Variants in CDK17 observed in about 807,000 individuals in gnomAD.
CDK17 encodes cyclin dependent kinase 17.
CDK17 carries 24 observed loss-of-function variants against 77.6 expected under a neutral mutation model. That is an observed-to-expected ratio of 0.31 (90% CI 0.22 to 0.44). The LOEUF is 0.44. Ranked by LOEUF, CDK17 falls within the 20% of genes least tolerant of loss-of-function variation. The pLI, the probability that CDK17 is intolerant of heterozygous loss-of-function variation, is 1.00. For synonymous variants in CDK17, 203 were observed against 210.4 expected (o/e 0.96, Z 0.30); for missense variants, 429 against 622.5 (o/e 0.69, Z 3.31).
At chr12:96,312,111 T>C (rs1952652351) in intron 4 of CDK17, among the ~76,000 whole-genome samples, 1 of 151,974 alleles carries the variant, frequency 6.6e-6, no homozygotes, top group African/African-American at 2.4e-5. Flanking sequence ...ACCCTGTCTC[T>C]ACAAAAAATA....
At chr12:96,288,708 AG>A (rs1952278368) in intron 11 of CDK17, among the ~76,000 whole-genome samples, 1 of 152,234 alleles carries the variant, frequency 6.6e-6, no homozygotes. Flanking sequence ...GCGGTGTGTG[AG>A]AAAGATGACT....
chr12:96,280,399 T>A, intron 16 of CDK17, 120 bp from the exon 17 acceptor site: 1 of 1,482,636 alleles, frequency 6.7e-7, no homozygotes, highest in Non-Finnish European at 9.0e-7. Context: ...ATGGTAAGAG[T>A]GATCAGCACT....
intron 1 of CDK17, among the ~76,000 whole-genome samples, chr12:96,361,595 G>GT (rs1294208202): frequency 6.6e-6 from 1 of 152,146 alleles, no homozygotes; most frequent in Admixed American, 6.5e-5. Context: ...AAACTAGGCT[G>GT]TTTGAGTTTT....
intron 1 of CDK17, among the ~76,000 whole-genome samples, chr12:96,389,757 C>T (rs1458800749): frequency 6.6e-6 from 1 of 151,980 alleles, no homozygotes; most frequent in African/African-American, 2.4e-5. Flanking sequence ...GCCATAATCT[C>T]GAACTAATAT....
chr12:96,380,000 C>T (rs893958081), intron 1 of CDK17, among the ~76,000 whole-genome samples: 1 of 151,588 alleles, frequency 6.6e-6, no homozygotes, highest in African/African-American at 2.4e-5. Context: ...GAGACCCCAT[C>T]TCTACAAAAA....
chr12:96,325,340 A>T (rs559925714), intron 2 of CDK17, among the ~76,000 whole-genome samples: 1 of 152,242 alleles, frequency 6.6e-6, no homozygotes, highest in African/African-American at 2.4e-5. Flanking sequence ...GCAGTTAACA[A>T]TCAGGCATAA....
chr12:96,283,907 A>G (rs1019090672), intron 13 of CDK17, among the ~76,000 whole-genome samples: 6 of 152,196 alleles, frequency 3.9e-5, no homozygotes, highest in Admixed American at 1.3e-4. Flanking sequence ...AAAAATCACC[A>G]TGCTGTCTCA....
intron 1 of CDK17, among the ~76,000 whole-genome samples, chr12:96,366,928 C>A (rs1185257817): frequency 6.6e-6 from 1 of 152,096 alleles, no homozygotes; most frequent in African/African-American, 2.4e-5. Flanking sequence ...ATTTCCTTTT[C>A]TTTCCTCATT....
chr12:96,400,265 C>G lies in CDK17; in HGVS notation c.-309G>C, dbSNP rs1236039017. 1 of 392,894 alleles carries G rather than the reference C, an allele frequency of 2.5e-6. No homozygotes were observed. The highest frequency in any genetic ancestry group is 4.5e-6 in the Non-Finnish European group (1 of 222,296). 24.3% of individuals were successfully genotyped at this position (392,894 alleles called of 1,614,324 possible). On this transcript the variant is annotated 5_prime_UTR_variant, in exon 1 of 17. Transcript: ENST00000261211. ...GCCGCGCGGACGGCCCACTAATCCCCTCGGAGCAGCCGGGCGCGAGCGCGG... is the reference window on the plus strand; with the variant it reads ...GCCGCGCGGACGGCCCACTAATCCCGTCGGAGCAGCCGGGCGCGAGCGCGG...
At chr12:96,349,866 A>C (rs1024846653) in intron 1 of CDK17, among the ~76,000 whole-genome samples, 7 of 152,336 alleles carry the variant, frequency 4.6e-5, no homozygotes, top group African/African-American at 1.7e-4. Flanking sequence ...TATATGAAGA[A>C]AACCTTAAAG....
At chr12:96,309,994 T>C (rs1020502770) in intron 5 of CDK17, among the ~76,000 whole-genome samples, 1 of 152,080 alleles carries the variant, frequency 6.6e-6, no homozygotes, top group Non-Finnish European at 1.5e-5. Context: ...TCAACAGAAA[T>C]GCTTACATGT....
chr12:96,353,732 G>A (rs931367432), intron 1 of CDK17, among the ~76,000 whole-genome samples: 4 of 152,028 alleles, frequency 2.6e-5, no homozygotes, highest in African/African-American at 9.7e-5. Context: ...TTCCCAAGCT[G>A]AATTTCAATT....
chr12:96,372,789 G>A (rs1221338037), intron 1 of CDK17, among the ~76,000 whole-genome samples: 2 of 152,182 alleles, frequency 1.3e-5, no homozygotes, highest in African/African-American at 2.4e-5. Context: ...GAAAAAGAGG[G>A]TAAAATATGC....
At chr12:96,349,957 T>C (rs989192706) in intron 1 of CDK17, among the ~76,000 whole-genome samples, 1 of 152,232 alleles carries the variant, frequency 6.6e-6, no homozygotes, top group African/African-American at 2.4e-5. Context: ...ATGAAATCAG[T>C]TGTATTTCTA....
chr12:96,303,791 A>G (rs1952539738), intron 5 of CDK17, among the ~76,000 whole-genome samples: 1 of 152,164 alleles, frequency 6.6e-6, no homozygotes, highest in Non-Finnish European at 1.5e-5. Context: ...ATCTAGCAAC[A>G]TAATTACTCT....
chr12:96,397,168 G>C (rs7976881), intron 1 of CDK17, among the ~76,000 whole-genome samples: 1 of 152,096 alleles, frequency 6.6e-6, no homozygotes, highest in East Asian at 1.9e-4. Flanking sequence ...ATCTAGTTTC[G>C]CCATAATTGT....
At chr12:96,375,297 C>T (rs1207371933) in intron 1 of CDK17, among the ~76,000 whole-genome samples, 1 of 152,116 alleles carries the variant, frequency 6.6e-6, no homozygotes, top group Non-Finnish European at 1.5e-5. Context: ...TTCTCTATAA[C>T]AATATCTTGG....
intron 1 of CDK17, among the ~76,000 whole-genome samples, chr12:96,344,761 AAG>A (rs1459870467): frequency 2.6e-5 from 4 of 152,334 alleles, no homozygotes; most frequent in East Asian, 1.9e-4. Flanking sequence ...GTAATTATAA[AAG>A]AGAGTATTAA....
At chr12:96,345,079 T>C (rs1275054558) in intron 1 of CDK17, among the ~76,000 whole-genome samples, 1 of 152,296 alleles carries the variant, frequency 6.6e-6, no homozygotes, top group East Asian at 1.9e-4. Flanking sequence ...ACATGAGGTG[T>C]TTGGTTTTCT....
Sources: gnomAD v4.1 joint callset for allele counts (sites outside exome capture counted in the v4.1 genomes callset) on GRCh38, gnomAD v4.1.1 for gene constraint, MANE v1.5 for transcripts, NCBI Gene and HGNC (gene_info 2026-07-23, HGNC 2026-07-21) for gene names.